Variants in CELSR1 observed in about 807,000 individuals in gnomAD.
CELSR1 encodes cadherin EGF LAG seven-pass G-type receptor 1.
Under a neutral mutation model 249.1 loss-of-function variants are expected in CELSR1, and 110 were observed. That is an observed-to-expected ratio of 0.44 (90% CI 0.38 to 0.52). The LOEUF is 0.52. Among genes scored for constraint, CELSR1 ranks in the 20% least tolerant of loss-of-function variants. CELSR1 has a pLI of 0.00. For missense variants in CELSR1, 4,109 were observed against 4,296.4 expected (o/e 0.96, Z 1.22); for synonymous variants, 2,113 against 1,900.0 (o/e 1.11, Z -2.92).
chr22:46,397,750 G>A lies in CELSR1; in HGVS notation c.5625C>T (p.Pro1875=). Residue 1875 remains proline, a synonymous_variant, in exon 12 of 35, where the codon CCC becomes CCT. Coordinates refer to ENST00000674500, the MANE Select transcript of CELSR1 (RefSeq NM_001378328.1). ...TGGGGGGACAGGGGCTCGAGGTACAGGGGTCGTCCACATCACAGCCGTCCT... is the reference window on the plus strand; with the variant it reads ...TGGGGGGACAGGGGCTCGAGGTACAAGGGTCGTCCACATCACAGCCGTCCT... The part of the protein sequence containing the change: ...RVKDGCDVDD[P]CTSSPCPPNS... 6.3e-7 allele frequency: 1 copy of A among 1,598,748 alleles called. No individual in the cohort carries two copies.
rs538964751 is a variant in CELSR1 at position 46,412,107 on chromosome 22, G to A, written c.4612-348C>T. On this transcript the variant is annotated intron_variant, in intron 5 of 34. Coordinates refer to ENST00000674500, the MANE Select transcript of CELSR1 (RefSeq NM_001378328.1). The surrounding 1 kb of genome is among the most constrained non-coding windows in gnomAD (Gnocchi z 4.5). ...GCTGAGATGCAAAGGCACACAGGGA[G>A]AAGCTGCGTGACCGCGGAGGCAGCT... Among the ~76,000 whole-genome samples, 1 of 152,244 alleles carries A rather than the reference G, an allele frequency of 6.6e-6. No individual in the cohort carries two copies. Among genetic ancestry groups the A allele is most frequent in the African/African-American group, 2.4e-5 (1 of 41,462 alleles).
rs1227166061 is a variant in CELSR1, at chr22:46,381,962, G to C, written c.6972C>G (p.Ser2324Arg). Residue 2324 changes from serine to arginine, a missense_variant, in exon 21 of 35, where the codon AGC becomes AGG. This residue lies in a region of CELSR1 where 1,805 missense variants were observed against 1,831.6 expected (regional missense o/e 0.99). Coordinates refer to ENST00000674500, the MANE Select transcript of CELSR1 (RefSeq NM_001378328.1). This position sits in a 1 kb window ranked among gnomAD's most constrained non-coding sequence, Gnocchi z 6.0. ...CGTCATCAGGGTGTCGCCTCCGCCT[G>C]CTGATCGGGGCCTCCCTCTCGGTGC... ...GPGTEREAPISRRRRHPDDAG... is the reference protein window; with the variant it reads ...GPGTEREAPIRRRRRHPDDAG... 1.9e-6 allele frequency: 3 copies of C among 1,564,460 alleles called. No individual in the cohort carries two copies. The highest frequency in any genetic ancestry group is 4.8e-5 in the East Asian group (2 of 41,898).
chr22:46,408,529 T>G lies in CELSR1; in HGVS notation c.5226+467A>C, dbSNP rs2147321197. On this transcript the variant is annotated intron_variant, in intron 9 of 34. Coordinates refer to ENST00000674500, the MANE Select transcript of CELSR1 (RefSeq NM_001378328.1). This position sits in a 1 kb window ranked among gnomAD's most constrained non-coding sequence, Gnocchi z 4.6. The stretch of plus-strand genomic sequence containing the variant: ...TTTGTATTTTTAGTAGAGATGGGGT[T>G]TCACCATGTTGGCCAGGCTGGTCTC... Among the ~76,000 whole-genome samples, 1 of 152,324 alleles carries G rather than the reference T, an allele frequency of 6.6e-6. No homozygotes were observed. The highest frequency in any genetic ancestry group is 6.5e-5 in the Admixed American group (1 of 15,298).
At chr22:46,439,666 A>T (rs998834188) in intron 2 of CELSR1, among the ~76,000 whole-genome samples, 2 of 152,062 alleles carry the variant, frequency 1.3e-5, no homozygotes, top group Non-Finnish European at 1.5e-5. Flanking sequence ...GGGTTCCCAA[A>T]AAGCACTCTG....
At chr22:46,530,342 CATATATT>C (rs1161149781) in intron 1 of CELSR1, 4 of 148,440 alleles carry the variant, frequency 2.7e-5, no homozygotes, top group African/African-American at 9.8e-5. Flanking sequence ...TTCATTATAA[CATATATT>C]ATATATTATA....
rs1485566931 is a variant in CELSR1, at chr22:46,537,613, G to A, written c.-443C>T. Among the ~76,000 whole-genome samples, 1 of 147,986 alleles carries A rather than the reference G, an allele frequency of 6.8e-6. No homozygotes were observed. The highest frequency in any genetic ancestry group is 1.5e-5 in the Non-Finnish European group (1 of 66,462). On this transcript the variant is annotated 5_prime_UTR_variant, in exon 1 of 35. Transcript: ENST00000674500. The surrounding 1 kb of genome is among the most constrained non-coding windows in gnomAD (Gnocchi z 5.8). ...CCGGCGGCCGGCTGCTGCCTGGGCG[G>A]TGCGCTTGGCCCGCGCCCACTCCGC...
At chr22:46,494,319 A>G (rs759551131) in intron 1 of CELSR1, among the ~76,000 whole-genome samples, 3 of 152,164 alleles carry the variant, frequency 2.0e-5, no homozygotes, top group Non-Finnish European at 2.9e-5. Flanking sequence ...AGCCAATTTT[A>G]TTTACAGATA....
At chr22:46,510,069 C>G (rs575144163) in intron 1 of CELSR1, among the ~76,000 whole-genome samples, 2 of 152,358 alleles carry the variant, frequency 1.3e-5, no homozygotes, top group Admixed American at 1.3e-4. Context: ...AGAAGGCTGG[C>G]TCTAAAACCA....
At chr22:46,502,246 G>A (rs1042830914) in intron 1 of CELSR1, among the ~76,000 whole-genome samples, 4 of 136,842 alleles carry the variant, frequency 2.9e-5, no homozygotes, top group African/African-American at 8.1e-5. Context: ...CTGGGTGACA[G>A]AGTGAGACCT....
chr22:46,505,812 CT>C (rs1481047086), intron 1 of CELSR1, among the ~76,000 whole-genome samples: 5 of 152,062 alleles, frequency 3.3e-5, no homozygotes, highest in Non-Finnish European at 2.9e-5. Flanking sequence ...TGATGTTTTA[CT>C]TTTTTTATTA....
chr22:46,507,310 G>A (rs996553946), intron 1 of CELSR1, among the ~76,000 whole-genome samples: 2 of 152,158 alleles, frequency 1.3e-5, no homozygotes, highest in South Asian at 2.1e-4. Context: ...CCTCCGTCCA[G>A]CACCACAATG....
intron 2 of CELSR1, among the ~76,000 whole-genome samples, chr22:46,443,779 C>T (rs1462629839): frequency 5.9e-5 from 9 of 152,254 alleles, no homozygotes; most frequent in South Asian, 2.1e-4. Flanking sequence ...AGTCAGTGCT[C>T]GTGGCTTCCT....
At chr22:46,498,372 G>C (rs1158957682) in intron 1 of CELSR1, among the ~76,000 whole-genome samples, 1 of 151,344 alleles carries the variant, frequency 6.6e-6, no homozygotes, top group African/African-American at 2.4e-5. Flanking sequence ...CACTCTGGGA[G>C]GCCAAGGCGG....
In CELSR1 at chr22:46,414,040, C is replaced by T. The variant is rs912238965; in HGVS notation, c.4612-2281G>A. On this transcript the variant is annotated intron_variant, in intron 5 of 34. Coordinates refer to ENST00000674500, the MANE Select transcript of CELSR1 (RefSeq NM_001378328.1). ...GCTGGTAATCAATGGCTCAGAGCTA[C>T]GGATTCAAGCAAAAAACAGCAGGAT... Among the ~76,000 whole-genome samples, 10 of 152,250 alleles carry T rather than the reference C, an allele frequency of 6.6e-5. No homozygotes were observed. In the East Asian group the frequency reaches 7.7e-4, roughly 12 times the overall value.
At position 46,454,016 on chromosome 22, in the gene CELSR1, T is replaced by G. The variant is rs2079916740; in HGVS notation, c.4183+9691A>C. ...GGCCTAAGGGACTTTGCAGATGTGA[T>G]TAAGGATCTTGAGACGGGGCAGTCA... On this transcript the variant is annotated intron_variant, in intron 2 of 34. Coordinates refer to ENST00000674500, the MANE Select transcript of CELSR1 (RefSeq NM_001378328.1). This position sits in a 1 kb window ranked among gnomAD's most constrained non-coding sequence, Gnocchi z 5.1. Among the ~76,000 whole-genome samples the G allele has an allele frequency of 6.6e-6, 1 of 152,150 alleles. No homozygotes were observed. The highest frequency in any genetic ancestry group is 2.4e-5 in the African/African-American group (1 of 41,428).
At chr22:46,483,227 C>T (rs1044366397) in intron 1 of CELSR1, among the ~76,000 whole-genome samples, 1 of 152,084 alleles carries the variant, frequency 6.6e-6, no homozygotes, top group African/African-American at 2.4e-5. Context: ...ATTTTGATTA[C>T]ATTAAAAACA....
At chr22:46,400,433 T>A (rs562236179) in intron 9 of CELSR1, among the ~76,000 whole-genome samples, 4 of 150,480 alleles carry the variant, frequency 2.7e-5, no homozygotes, top group South Asian at 2.1e-4. Flanking sequence ...AGGTCACGAG[T>A]TCAAGACCAG....
intron 25 of CELSR1, chr22:46,370,104 T>C: frequency 2.0e-6 from 1 of 509,558 alleles, no homozygotes; most frequent in Non-Finnish European, 3.8e-6. Context: ...GGCAGTGAGA[T>C]GGTGCAGGAG....
In CELSR1 at chr22:46,406,414, G is replaced by A. The variant is rs3827407; in HGVS notation, c.5226+2582C>T. 8.5e-4 allele frequency among the ~76,000 whole-genome samples: 129 copies of A among 152,304 alleles called. 1 individual carries two copies. In the East Asian group the frequency reaches 9.1e-3, roughly 11 times the overall value. On this transcript the variant is annotated intron_variant, in intron 9 of 34. Coordinates refer to ENST00000674500, the MANE Select transcript of CELSR1 (RefSeq NM_001378328.1). The surrounding 1 kb of genome is among the most constrained non-coding windows in gnomAD (Gnocchi z 5.4). ...CTGGAAAATGCTCCCGAGCTGTGAT[G>A]GGGAGGAACAGGAGGCTCCCTGTCC... is the stretch of plus-strand genomic sequence containing the variant.
Sources: allele counts gnomAD v4.1 joint callset (sites outside exome capture counted in the v4.1 genomes callset), GRCh38; gene constraint gnomAD v4.1.1; regional missense constraint gnomAD v4.1.1; non-coding constraint Gnocchi (gnomAD v3.1); transcripts MANE v1.5; gene names NCBI Gene and HGNC (gene_info 2026-07-23, HGNC 2026-07-21).